The following FAM83D variants were observed in gnomAD, a reference collection of about 807,000 sequenced individuals.
FAM83D encodes protein FAM83D.
FAM83D carries 26 observed loss-of-function variants against 25.4 expected under a neutral mutation model. The ratio of observed to expected loss-of-function variants is 1.02; its 90% CI spans 0.75 to 1.42. The LOEUF (loss-of-function observed/expected upper bound fraction) is 1.42, where lower values mean the gene tolerates loss of function less well. FAM83D is among the 40% of genes most tolerant of loss of function. FAM83D has a pLI of 0.00. For synonymous variants in FAM83D, 310 were observed against 318.5 expected, an observed-to-expected ratio of 0.97 and a Z score of 0.28; for missense variants, 740 against 758.1, an observed-to-expected ratio of 0.98 and a Z score of 0.28.
chr20:38,926,551 GAGGAGC>G lies in FAM83D; in HGVS notation c.110_115del (p.Glu37_Leu39delinsVal), dbSNP rs777436878. The G allele has an allele frequency of 1.3e-6, 2 of 1,580,130 alleles. No homozygotes were observed. Among genetic ancestry groups the G allele is most frequent in the Non-Finnish European group, 1.7e-6 (2 of 1,170,284 alleles). On this transcript the variant is annotated inframe_deletion, in exon 1 of 4. Coordinates refer to ENST00000619850, the MANE Select transcript of FAM83D (RefSeq NM_030919.3). ...CAGCGAGTCACGGCGCCTGGCTCTG[GAGGAGC>G]TGGTGGCGGGCGGCCCCGAAGCCTT...
chr20:38,934,321 C>A (rs761533275), intron 1 of FAM83D, among the ~76,000 whole-genome samples: 1 of 151,958 alleles, frequency 6.6e-6, no homozygotes, highest in African/African-American at 2.4e-5. Flanking sequence ...ATCTTGAACC[C>A]GGTCTCTACT....
rs2085761726 is a variant in FAM83D at position 38,952,592 on chromosome 20, T to A, written c.*72T>A. The A allele has an allele frequency of 1.3e-6, 2 of 1,495,408 alleles. No individual in the cohort carries two copies. Among genetic ancestry groups the A allele is most frequent in the Non-Finnish European group, 1.8e-6 (2 of 1,108,978 alleles). The allele number at this position is 1,495,408 out of a possible 1,614,324, so 92.6% of individuals were successfully genotyped here. On this transcript the variant is annotated 3_prime_UTR_variant, in exon 4 of 4. Coordinates refer to ENST00000619850, the MANE Select transcript of FAM83D (RefSeq NM_030919.3). Reference sequence around the variant, plus strand: ...ATCATCAGCTTCCTGCTTTAAAAAATATCTTATGTCCCTAATTGCCTTTCT... The same window carrying A: ...ATCATCAGCTTCCTGCTTTAAAAAAAATCTTATGTCCCTAATTGCCTTTCT...
At chr20:38,933,594 GTTAAGGATT>G (rs2085666618) in intron 1 of FAM83D, among the ~76,000 whole-genome samples, 1 of 152,174 alleles carries the variant, frequency 6.6e-6, no homozygotes, top group Non-Finnish European at 1.5e-5. Flanking sequence ...CATGTGTCAG[GTTAAGGATT>G]TTAGAATTTA....
At chr20:38,928,349 G>A (rs756600215) in intron 1 of FAM83D, among the ~76,000 whole-genome samples, 1 of 152,216 alleles carries the variant, frequency 6.6e-6, no homozygotes, top group Non-Finnish European at 1.5e-5. Flanking sequence ...TTCAGTGGTA[G>A]TGGATACAGT....
At chr20:38,949,062 C>T (rs2085741620) in intron 3 of FAM83D, among the ~76,000 whole-genome samples, 1 of 152,146 alleles carries the variant, frequency 6.6e-6, no homozygotes, top group South Asian at 2.1e-4. Context: ...ACTACCCTCT[C>T]CAAATGAAAT....
chr20:38,940,228 G>T (rs537929721), intron 1 of FAM83D, among the ~76,000 whole-genome samples: 30 of 152,184 alleles, frequency 2.0e-4, no homozygotes, highest in African/African-American at 5.8e-4. Flanking sequence ...AAAGGGGTGG[G>T]GTGGGAAAGG....
intron 1 of FAM83D, among the ~76,000 whole-genome samples, chr20:38,934,615 A>T (rs535987465): frequency 7.2e-5 from 11 of 152,274 alleles, no homozygotes; most frequent in Non-Finnish European, 1.5e-4. Context: ...ACTTCTCTGT[A>T]TCTTGATATA....
chr20:38,948,643 A>G (rs756177924), intron 3 of FAM83D, among the ~76,000 whole-genome samples: 1 of 152,218 alleles, frequency 6.6e-6, no homozygotes, highest in Non-Finnish European at 1.5e-5. Flanking sequence ...TGTGGCTCCA[A>G]TGGTTGTATG....
intron 2 of FAM83D, among the ~76,000 whole-genome samples, chr20:38,944,131 T>C (rs1168281269): frequency 1.3e-5 from 2 of 152,364 alleles, no homozygotes; most frequent in Middle Eastern, 3.4e-3. Flanking sequence ...TATTATGCAC[T>C]GGGTACTAGA....
chr20:38,942,247 A>G, intron 2 of FAM83D, 121 bp downstream of exon 2: 1 of 1,056,832 alleles, frequency 9.5e-7, no homozygotes, highest in East Asian at 2.4e-5. Context: ...GCTGTGAGCA[A>G]AGTCATTTGC....
chr20:38,943,938 C>T (rs184025073), intron 2 of FAM83D, among the ~76,000 whole-genome samples: 4 of 152,110 alleles, frequency 2.6e-5, no homozygotes, highest in African/African-American at 9.6e-5. Context: ...CTGATCCACC[C>T]GCCTCGGCCT....
Position 38,929,772 on chromosome 20 carries a change from G to A in FAM83D, c.483+2847G>A, listed in dbSNP as rs963797666. On this transcript the variant is annotated intron_variant, in intron 1 of 3. Coordinates refer to ENST00000619850, the MANE Select transcript of FAM83D (RefSeq NM_030919.3). The stretch of plus-strand genomic sequence containing the variant: ...TACTGCACTCCAGCCTGGGCAACAC[G>A]GGGAGACCCTGTCTCTTTAAAAAAA... Among the ~76,000 whole-genome samples the A allele has an allele frequency of 4.6e-5, 7 of 150,914 alleles. No homozygotes were observed. In the East Asian group the frequency reaches 1.2e-3, roughly 25 times the overall value.
chr20:38,941,463 G>A (rs762290167), intron 1 of FAM83D, among the ~76,000 whole-genome samples: 2 of 152,160 alleles, frequency 1.3e-5, no homozygotes. Context: ...AATAGATTTC[G>A]AGAATGCTAC....
At chr20:38,941,922 T>C (rs751866933) in intron 1 of FAM83D, 37 bp from the exon 2 acceptor site, 1 of 1,611,224 alleles carries the variant, frequency 6.2e-7, no homozygotes, top group Admixed American at 1.7e-5. Flanking sequence ...TGGTGTCCTA[T>C]AAGCTTATCA....
At chr20:38,941,819 A>G (rs1276495656) in intron 1 of FAM83D, 140 bp from the exon 2 acceptor site, 3 of 811,812 alleles carry the variant, frequency 3.7e-6, no homozygotes, top group Non-Finnish European at 6.1e-6. Flanking sequence ...GGGGGCACCA[A>G]CACTGCAGAA....
At chr20:38,947,817 C>G in intron 2 of FAM83D, 59 bp from the exon 3 acceptor site, 1 of 1,582,090 alleles carries the variant, frequency 6.3e-7, no homozygotes, top group Non-Finnish European at 8.6e-7. Context: ...TAACCATTTG[C>G]TCAGCAGATG....
chr20:38,926,871 T>C lies in FAM83D; in HGVS notation c.429T>C (p.Gly143=). Residue 143 remains glycine, a synonymous_variant, in exon 1 of 4, where the codon GGT becomes GGC. Coordinates refer to ENST00000619850, the MANE Select transcript of FAM83D (RefSeq NM_030919.3). The part of the protein sequence containing the change: ...THFQPRGAGE[G]GPYGCKDALR... The stretch of plus-strand genomic sequence containing the variant: ...TCCAGCCCCGCGGCGCTGGCGAAGG[T>C]GGCCCCTACGGCTGCAAGGACGCTC... The C allele has an allele frequency of 6.6e-7, 1 of 1,512,460 alleles. No individual in the cohort carries two copies. Among genetic ancestry groups the C allele is most frequent in the Non-Finnish European group, 8.8e-7 (1 of 1,135,286 alleles). The allele number at this position is 1,512,460 out of a possible 1,614,324, so 93.7% of individuals were successfully genotyped here. A position where few individuals can be genotyped will look rare whatever the true frequency, so the allele number is the denominator to read the frequency against.
At position 38,926,621 on chromosome 20, in the gene FAM83D, T is replaced by C; in HGVS notation, c.179T>C (p.Leu60Pro). Residue 60 changes from leucine (L) to proline (P), a missense_variant, in exon 1 of 4, where the codon CTG becomes CCG. Physicochemically the swap from Leu to Pro is moderately conservative, Grantham distance 98. Around this residue, in one of 3 missense-constraint regions of FAM83D, gnomAD observed 333 missense variants for 298.6 expected, o/e 1.12. Transcript: ENST00000619850. ...CGACGCGAGCGCCTGGCTCGTTTCC[T>C]GAACCCCGATGAGGTGCACGCCATT... ...FLRRERLARF[L>P]NPDEVHAILR... 6.5e-7 allele frequency: 1 copy of C among 1,540,520 alleles called. No homozygotes were observed. The highest frequency in any genetic ancestry group is 2.4e-5 in the East Asian group (1 of 41,048).
rs780749747 is a variant in FAM83D, at chr20:38,952,368, G to C, written c.1606G>C (p.Ala536Pro). The part of the protein sequence containing the change: ...NLNKERQFHF[A>P]GIRSRLNHML... The stretch of plus-strand genomic sequence containing the variant: ...GAACAAAGAGCGGCAATTCCACTTC[G>C]CTGGTATCAGGTCCCGGCTCAACCA... The change falls in exon 4 of 4, where the codon GCT becomes CCT. Residue 536 changes from alanine (A) to proline (P), a missense_variant. Transcript: ENST00000619850. 3.1e-6 allele frequency: 5 copies of C among 1,614,028 alleles called. No homozygotes were observed. Among genetic ancestry groups the C allele is most frequent in the Non-Finnish European group, 3.4e-6 (4 of 1,180,034 alleles).
Sources: allele counts gnomAD v4.1 joint callset (sites outside exome capture counted in the v4.1 genomes callset), GRCh38; gene constraint gnomAD v4.1.1; regional missense constraint gnomAD v4.1.1; transcripts MANE v1.5; gene names NCBI Gene and HGNC (gene_info 2026-07-23, HGNC 2026-07-21).